MECOM: variants seen among roughly 807,000 people sequenced by gnomAD.
MECOM encodes the protein MDS1 and EVI1 complex locus.
In MECOM, 13 loss-of-function variants were observed where a neutral mutation model predicts 116.3. The observed-to-expected ratio is 0.11, with a 90% CI of 0.07 to 0.18. The LOEUF is 0.18. Ranked by LOEUF, MECOM falls within the 10% of genes least tolerant of loss-of-function variation. The pLI is 1.00. For synonymous variants in MECOM, 528 were observed against 535.2 expected (o/e 0.99, Z 0.19); for missense variants, 1,299 against 1,509.0 (o/e 0.86, Z 2.31).
intron 2 of MECOM, among the ~76,000 whole-genome samples, chr3:169,378,434 AAAGAAAGAAAGAAAGAAGGAAAGCAAGC>A (rs1222045343): frequency 3.8e-4 from 31 of 81,646 alleles, no homozygotes; most frequent in Admixed American, 8.4e-4. Flanking sequence ...AGAAAGAAAG[AAAGAAAGAAAGAAAGAAGGAAAGCAAGC>A]AAGCAAGCAA....
chr3:169,099,096 T>C (rs914676267), intron 12 of MECOM, among the ~76,000 whole-genome samples: 1 of 146,198 alleles, frequency 6.8e-6, no homozygotes, highest in African/African-American at 2.6e-5. Flanking sequence ...CACTGTTCAT[T>C]GGAATTCTTC....
At chr3:169,379,120 T>C (rs1481917338) in intron 2 of MECOM, among the ~76,000 whole-genome samples, 1 of 150,876 alleles carries the variant, frequency 6.6e-6, no homozygotes, top group East Asian at 1.9e-4. Context: ...CCCTTGCTAA[T>C]CATGATTGGG....
intron 2 of MECOM, among the ~76,000 whole-genome samples, chr3:169,183,799 CACACACACACACACACACACAT>C (rs1262621417): frequency 4.9e-5 from 4 of 81,606 alleles, no homozygotes; most frequent in African/African-American, 8.5e-5. Context: ...CACACACACA[CACACACACACACACACACACAT>C]ATATATATAT....
At chr3:169,306,042 C>T (rs541805027) in intron 2 of MECOM, among the ~76,000 whole-genome samples, 9 of 151,994 alleles carry the variant, frequency 5.9e-5, no homozygotes, top group African/African-American at 9.6e-5. Flanking sequence ...ACATTGTTAC[C>T]GCTCTGTTCC....
At chr3:169,235,535 T>C (rs1485704687) in intron 2 of MECOM, among the ~76,000 whole-genome samples, 3 of 150,928 alleles carry the variant, frequency 2.0e-5, no homozygotes, top group African/African-American at 7.3e-5. Flanking sequence ...TCCTGAAAAA[T>C]AAAAAAGGAG....
intron 5 of MECOM, among the ~76,000 whole-genome samples, chr3:169,125,979 G>T (rs986845364): frequency 3.3e-5 from 5 of 152,132 alleles, no homozygotes; most frequent in East Asian, 3.9e-4. Flanking sequence ...GAAAATAAAG[G>T]TTCTGAATGT....
At chr3:169,196,058 A>G (rs1363484325) in intron 2 of MECOM, among the ~76,000 whole-genome samples, 1 of 152,016 alleles carries the variant, frequency 6.6e-6, no homozygotes, top group African/African-American at 2.4e-5. Flanking sequence ...AGAGCTTTTT[A>G]TGTTTCTTCT....
At chr3:169,476,147 A>G (rs1750338769) in intron 1 of MECOM, among the ~76,000 whole-genome samples, 1 of 152,220 alleles carries the variant, frequency 6.6e-6, no homozygotes, top group Non-Finnish European at 1.5e-5. Flanking sequence ...TAACTCTGCC[A>G]GCCTTCAACC....
intron 1 of MECOM, among the ~76,000 whole-genome samples, chr3:169,661,304 C>T (rs1358946957): frequency 1.7e-4 from 23 of 139,134 alleles, no homozygotes; most frequent in Non-Finnish European, 3.0e-4. Flanking sequence ...CTCCCGCCAA[C>T]TCCCCCCCCC....
intron 2 of MECOM, among the ~76,000 whole-genome samples, chr3:169,172,407 A>ATGTGAGTGTGTGTG (rs1553758528): frequency 1.1e-4 from 16 of 144,374 alleles, no homozygotes; most frequent in African/African-American, 4.2e-4. Flanking sequence ...GTACCCTTGT[A>ATGTGAGTGTGTGTG]TGTGTGTGTG....
intron 2 of MECOM, among the ~76,000 whole-genome samples, chr3:169,217,635 T>G (rs1751576845): frequency 6.6e-6 from 1 of 151,634 alleles, no homozygotes; most frequent in Non-Finnish European, 1.5e-5. Context: ...AATACAAACA[T>G]TAGCTGGGCA....
intron 1 of MECOM, among the ~76,000 whole-genome samples, chr3:169,425,711 C>A (rs1740540908): frequency 6.6e-6 from 1 of 152,114 alleles, no homozygotes. Context: ...CTTTATTTTG[C>A]TGTGTCTGAG....
chr3:169,300,012 T>C (rs896641305), intron 2 of MECOM, among the ~76,000 whole-genome samples: 15 of 152,192 alleles, frequency 9.9e-5, no homozygotes, highest in Non-Finnish European at 1.9e-4. Flanking sequence ...GAGTCCCTCA[T>C]AGAAACCTTG....
intron 2 of MECOM, among the ~76,000 whole-genome samples, chr3:169,308,853 T>A (rs1227810849): frequency 6.6e-6 from 1 of 152,230 alleles, no homozygotes. Flanking sequence ...GTCTTCCTTC[T>A]CATCCTGAGT....
At chr3:169,446,158 G>T (rs896320076) in intron 1 of MECOM, among the ~76,000 whole-genome samples, 2 of 152,118 alleles carry the variant, frequency 1.3e-5, no homozygotes, top group African/African-American at 2.4e-5. Flanking sequence ...GAAATGTGAG[G>T]ACATGAGATT....
intron 1 of MECOM, among the ~76,000 whole-genome samples, chr3:169,471,602 T>C (rs1326456885): frequency 2.0e-5 from 3 of 152,182 alleles, no homozygotes; most frequent in Non-Finnish European, 4.4e-5. Flanking sequence ...TATTCTTCCT[T>C]AGATTTCTCA....
At chr3:169,260,335 G>A (rs1577498551) in intron 2 of MECOM, among the ~76,000 whole-genome samples, 1 of 152,070 alleles carries the variant, frequency 6.6e-6, no homozygotes, top group Non-Finnish European at 1.5e-5. Flanking sequence ...GTTGTAATAT[G>A]TTCATTTTCA....
At chr3:169,221,501 C>T (rs931539982) in intron 2 of MECOM, among the ~76,000 whole-genome samples, 5 of 151,840 alleles carry the variant, frequency 3.3e-5, no homozygotes, top group Admixed American at 1.3e-4. Context: ...TTACCTTTAG[C>T]CCCCTTGGAC....
At chr3:169,192,890 A>G (rs79299612) in intron 2 of MECOM, among the ~76,000 whole-genome samples, 22 of 152,084 alleles carry the variant, frequency 1.4e-4, no homozygotes, top group African/African-American at 4.6e-4. Flanking sequence ...TATTTTTATC[A>G]TTGGAGCTTG....
Sources: gnomAD v4.1 joint callset for allele counts (sites outside exome capture counted in the v4.1 genomes callset) on GRCh38, gnomAD v4.1.1 for gene constraint, MANE v1.5 for transcripts, NCBI Gene and HGNC (gene_info 2026-07-23, HGNC 2026-07-21) for gene names.